ARHGAP18: variants seen among roughly 807,000 people sequenced by gnomAD.
ARHGAP18 encodes Rho GTPase activating protein 18, also known as rho GTPase-activating protein 18.
Under a neutral mutation model 86.2 loss-of-function variants are expected in ARHGAP18, and 67 were observed. The observed-to-expected ratio is 0.78, with a 90% CI of 0.64 to 0.95. The LOEUF (loss-of-function observed/expected upper bound fraction) is 0.95, where lower values mean the gene tolerates loss of function less well. Ranked by LOEUF, ARHGAP18 falls within the 40% of genes least tolerant of loss-of-function variation. ARHGAP18 has a pLI of 0.00. For missense variants in ARHGAP18, 691 were observed against 780.4 expected, an observed-to-expected ratio of 0.89 and a Z score of 1.37; for synonymous variants, 283 against 280.4, an observed-to-expected ratio of 1.01 and a Z score of -0.09.
At chr6:129,593,551 T>G (rs1788559082) in intron 12 of ARHGAP18, among the ~76,000 whole-genome samples, 1 of 152,170 alleles carries the variant, frequency 6.6e-6, no homozygotes, top group Non-Finnish European at 1.5e-5. Context: ...TCCTACCCTA[T>G]CATTTTATAA....
rs1003902098 is a variant in ARHGAP18 at position 129,669,132 on chromosome 6, T to C, written c.114-27114A>G. Among the ~76,000 whole-genome samples the C allele has an allele frequency of 2.0e-5, 3 of 151,684 alleles. No homozygotes were observed. The East Asian group carries it at 5.8e-4, about 30-fold the overall frequency. ...AGCCAGGCACTACTCTCCTCTGTGG[T>C]CTCCGTACTCCAACTGCTGTGCTTG... On this transcript the variant is annotated intron_variant, in intron 1 of 14. Transcript: ENST00000368149.
At chr6:129,640,160 A>G (rs1004369420) in intron 2 of ARHGAP18, among the ~76,000 whole-genome samples, 2 of 152,102 alleles carry the variant, frequency 1.3e-5, no homozygotes, top group African/African-American at 4.8e-5. Context: ...TGATATTGTT[A>G]CACAACAAGG....
At chr6:129,630,744 G>A (rs372104253) in intron 4 of ARHGAP18, among the ~76,000 whole-genome samples, 4 of 152,106 alleles carry the variant, frequency 2.6e-5, no homozygotes, top group Non-Finnish European at 5.9e-5. Context: ...CAGCCACACA[G>A]GGCTCCAGGC....
intron 1 of ARHGAP18, among the ~76,000 whole-genome samples, chr6:129,659,429 A>T (rs1055819724): frequency 6.6e-6 from 1 of 152,046 alleles, no homozygotes; most frequent in Non-Finnish European, 1.5e-5. Flanking sequence ...ACGCAGGTGT[A>T]CTTCAGACAA....
intron 1 of ARHGAP18, among the ~76,000 whole-genome samples, chr6:129,655,317 CAAAA>C (rs55681217): frequency 0.011 from 857 of 75,040 alleles, 4 homozygotes; most frequent in African/African-American, 0.039. Flanking sequence ...AAAACTCTCT[CAAAA>C]AAAAAAAAAA....
At chr6:129,583,890 C>CA (rs113008374) in intron 13 of ARHGAP18, 98 bp downstream of exon 13, 87,777 of 1,180,660 alleles carry the variant, frequency 0.074, 27 homozygotes, top group Middle Eastern at 0.081. Flanking sequence ...ACAATTAAAA[C>CA]AAAAAAAAAA....
Position 129,710,156 on chromosome 6 carries a change from T to A in ARHGAP18, c.-20A>T, listed in dbSNP as rs1429719918. 11 of 1,580,090 alleles carry A rather than the reference T, an allele frequency of 7.0e-6. No homozygotes were observed. The highest frequency in any genetic ancestry group is 9.6e-6 in the Non-Finnish European group (11 of 1,150,560). On this transcript the variant is annotated 5_prime_UTR_variant, in exon 1 of 15. It adds an upstream start codon to the 5' untranslated region. Coordinates refer to ENST00000368149, the MANE Select transcript of ARHGAP18 (RefSeq NM_033515.3). ...GCTCATGGTGAGAGAAGGGACATAC[T>A]TTCTGCGATCCTGACACAGAGAAGG... is the stretch of plus-strand genomic sequence containing the variant.
At chr6:129,583,427 A>T (rs1385789387) in intron 13 of ARHGAP18, among the ~76,000 whole-genome samples, 1 of 152,164 alleles carries the variant, frequency 6.6e-6, no homozygotes, top group Non-Finnish European at 1.5e-5. Context: ...CTGCCCCATC[A>T]ACCCCAAAAT....
chr6:129,607,772 T>C (rs2114456796), intron 9 of ARHGAP18, 121 bp downstream of exon 9: 2 of 1,084,512 alleles, frequency 1.8e-6, no homozygotes, highest in South Asian at 2.3e-5. Context: ...CTGACATCAG[T>C]TGAGTCAATA....
At chr6:129,640,036 C>T (rs1329473997) in intron 2 of ARHGAP18, among the ~76,000 whole-genome samples, 1 of 107,086 alleles carries the variant, frequency 9.3e-6, no homozygotes, top group Non-Finnish European at 1.7e-5. Flanking sequence ...CAGAGTGAGA[C>T]TGTCTCAAAA....
chr6:129,694,801 C>T (rs1020954953), intron 1 of ARHGAP18, among the ~76,000 whole-genome samples: 1 of 152,144 alleles, frequency 6.6e-6, no homozygotes, highest in African/African-American at 2.4e-5. Flanking sequence ...TTAATTTTCT[C>T]TATAGAAGAT....
intron 3 of ARHGAP18, among the ~76,000 whole-genome samples, chr6:129,635,884 T>C (rs984097730): frequency 5.3e-5 from 8 of 152,310 alleles, no homozygotes; most frequent in African/African-American, 1.9e-4. Flanking sequence ...AATCCACCAA[T>C]TACCTTGGAC....
chr6:129,663,960 G>GT (rs1430609274), intron 1 of ARHGAP18, among the ~76,000 whole-genome samples: 1 of 152,262 alleles, frequency 6.6e-6, no homozygotes, highest in South Asian at 2.1e-4. Context: ...GGTTTACCAT[G>GT]TTTTTTTCTT....
intron 5 of ARHGAP18, among the ~76,000 whole-genome samples, chr6:129,622,390 G>A (rs1584055906): frequency 6.6e-6 from 1 of 151,856 alleles, no homozygotes; most frequent in East Asian, 1.9e-4. Context: ...GGTCTAATAA[G>A]TCAAACACAT....
intron 14 of ARHGAP18, among the ~76,000 whole-genome samples, chr6:129,578,882 T>A (rs767705531): frequency 6.6e-6 from 1 of 151,998 alleles, no homozygotes; most frequent in African/African-American, 2.4e-5. Context: ...GAGGATGGCT[T>A]GAGCTCAGGA....
At chr6:129,676,775 G>T (rs1002598639) in intron 1 of ARHGAP18, among the ~76,000 whole-genome samples, 2 of 151,342 alleles carry the variant, frequency 1.3e-5, no homozygotes, top group African/African-American at 2.4e-5. Flanking sequence ...CATTTCCTTG[G>T]GTGTGGAAAA....
At chr6:129,706,641 C>T (rs1442381436) in intron 1 of ARHGAP18, among the ~76,000 whole-genome samples, 1 of 152,026 alleles carries the variant, frequency 6.6e-6, no homozygotes, top group Non-Finnish European at 1.5e-5. Flanking sequence ...AATCTCGGCA[C>T]TTTGGGAGGA....
In ARHGAP18 at chr6:129,638,593, C is replaced by A; in HGVS notation, c.353G>T (p.Gly118Val). ...ELEEEWLKEA[G>V]LSNLFGESAG... ...AGACTCTCCGAAGAGATTGGATAAACCGGCCTCTTTAAGCCACTCTTCTTC... is the reference window on the plus strand; with the variant it reads ...AGACTCTCCGAAGAGATTGGATAAAACGGCCTCTTTAAGCCACTCTTCTTC... The change falls in exon 3 of 15, where the codon GGT becomes GTT. Residue 118 changes from glycine to valine, a missense_variant. Transcript: ENST00000368149. 6.2e-7 allele frequency: 1 copy of A among 1,614,120 alleles called. No homozygotes were observed. The highest frequency in any genetic ancestry group is 8.5e-7 in the Non-Finnish European group (1 of 1,180,010).
rs191441759 is a variant in ARHGAP18, at chr6:129,638,868, A to G, written c.317-239T>C. Reference sequence around the variant, plus strand: ...ATGACTTCACATGTAATTAACCTCTATAACTTCCCTGCAGATTAACCCAGA... The same window carrying G: ...ATGACTTCACATGTAATTAACCTCTGTAACTTCCCTGCAGATTAACCCAGA... On this transcript the variant is annotated intron_variant, in intron 2 of 14. Coordinates refer to ENST00000368149, the MANE Select transcript of ARHGAP18 (RefSeq NM_033515.3). 2.8e-4 allele frequency among the ~76,000 whole-genome samples: 43 copies of G among 152,316 alleles called. 1 individual carries two copies. The highest frequency in any genetic ancestry group is 2.8e-3 in the Admixed American group (43 of 15,294).
Sources: allele counts gnomAD v4.1 joint callset (sites outside exome capture counted in the v4.1 genomes callset), GRCh38; gene constraint gnomAD v4.1.1; transcripts MANE v1.5; gene names NCBI Gene and HGNC (gene_info 2026-07-23, HGNC 2026-07-21).